Variants in SOX5 observed in about 807,000 individuals in gnomAD.
SOX5 encodes the protein SRY-box transcription factor 5.
Under a neutral mutation model 92.0 loss-of-function variants are expected in SOX5, and 9 were observed. The observed-to-expected ratio is 0.10, with a 90% CI of 0.06 to 0.17. SOX5 has a LOEUF of 0.17. Ranked by LOEUF, SOX5 falls within the 10% of genes least tolerant of loss-of-function variation. The pLI, the probability that SOX5 is intolerant of heterozygous loss-of-function variation, is 1.00. For synonymous variants in SOX5, 344 were observed against 336.3 expected (o/e 1.02, Z -0.25); for missense variants, 642 against 944.5 (o/e 0.68, Z 4.20).
intron 2 of SOX5, among the ~76,000 whole-genome samples, chr12:24,317,525 A>G (rs1949809527): frequency 6.6e-6 from 1 of 152,188 alleles, no homozygotes; most frequent in African/African-American, 2.4e-5. Flanking sequence ...CTGGCCCCTA[A>G]GTGTCTTCAC....
chr12:23,651,147 A>AT (rs2139035575), intron 7 of SOX5, among the ~76,000 whole-genome samples: 1 of 152,144 alleles, frequency 6.6e-6, no homozygotes, highest in East Asian at 1.9e-4. Context: ...TCTCCCACTG[A>AT]TTTGAAATGT....
rs567292661 is a variant in SOX5 at position 24,305,796 on chromosome 12, T to C, written c.-173-28484A>G. ...TATTTTAATAGAGATGGGGTTTTAC[T>C]TTGTTGCCCACGCTGGTCTTGAACT... On this transcript the variant is annotated intron_variant, in intron 2 of 4. Transcript: ENST00000446891. Among the ~76,000 whole-genome samples, 51 of 152,232 alleles carry C rather than the reference T, an allele frequency of 3.4e-4. 1 individual carries two copies. In the South Asian group the frequency reaches 6.0e-3, roughly 18 times the overall value.
intron 3 of SOX5, among the ~76,000 whole-genome samples, chr12:24,234,445 T>A (rs1229290755): frequency 6.6e-6 from 1 of 152,178 alleles, no homozygotes; most frequent in Non-Finnish European, 1.5e-5. Context: ...TGGCACAATC[T>A]CGGTTCACTG....
intron 13 of SOX5, among the ~76,000 whole-genome samples, chr12:23,541,820 A>G (rs1047803006): frequency 1.1e-4 from 16 of 152,178 alleles, no homozygotes; most frequent in African/African-American, 3.9e-4. Context: ...TGGGATCATA[A>G]AAACATACGG....
upstream of SOX5, among the ~76,000 whole-genome samples, chr12:23,951,948 T>G (rs532991612): frequency 8.5e-5 from 13 of 152,324 alleles, no homozygotes; most frequent in South Asian, 8.3e-4. Context: ...AAATCTCTAT[T>G]TTTTCAGCCC....
intron 2 of SOX5, among the ~76,000 whole-genome samples, chr12:24,282,082 A>T (rs1300422120): frequency 6.6e-6 from 1 of 152,222 alleles, no homozygotes; most frequent in African/African-American, 2.4e-5. Flanking sequence ...ACTCAACCAA[A>T]TCTCAATTCC....
intron 8 of SOX5, among the ~76,000 whole-genome samples, chr12:23,614,971 T>A (rs188309263): frequency 4.6e-5 from 7 of 151,702 alleles, no homozygotes; most frequent in Non-Finnish European, 8.8e-5. Context: ...CCAGCTAATT[T>A]TTTTGTATTT....
At chr12:23,601,690 G>A (rs74071306) in intron 9 of SOX5, among the ~76,000 whole-genome samples, 3,659 of 152,144 alleles carry the variant, frequency 0.024, 122 homozygotes, top group African/African-American at 0.083. Flanking sequence ...ATGTATAAAC[G>A]TCAATTCCAG....
At chr12:24,221,301 T>G (rs1211561394) in intron 3 of SOX5, among the ~76,000 whole-genome samples, 1 of 152,228 alleles carries the variant, frequency 6.6e-6, no homozygotes, top group African/African-American at 2.4e-5. Context: ...TTCCTTTCCT[T>G]TCTTTCCTAT....
intron 3 of SOX5, among the ~76,000 whole-genome samples, chr12:23,791,380 C>T (rs1348230104): frequency 2.0e-5 from 3 of 152,198 alleles, no homozygotes; most frequent in African/African-American, 7.2e-5. Flanking sequence ...TAGCATACTA[C>T]AGCCTCAAAT....
intron 2 of SOX5, among the ~76,000 whole-genome samples, chr12:23,856,087 C>G (rs1307680963): frequency 6.6e-6 from 1 of 152,078 alleles, no homozygotes; most frequent in Admixed American, 6.6e-5. Context: ...AGTCCACAGA[C>G]TCTTACAAAA....
At chr12:23,602,827 TA>T (rs2074684199) in intron 9 of SOX5, among the ~76,000 whole-genome samples, 1 of 152,114 alleles carries the variant, frequency 6.6e-6, no homozygotes, top group African/African-American at 2.4e-5. Context: ...ACTTTAAAAT[TA>T]AATGTATTTA....
At chr12:23,903,851 A>T (rs2097263231) in intron 1 of SOX5, among the ~76,000 whole-genome samples, 1 of 152,214 alleles carries the variant, frequency 6.6e-6, no homozygotes, top group Non-Finnish European at 1.5e-5. Flanking sequence ...AGATTGTTTC[A>T]CAATAGAATG....
At chr12:24,501,242 A>T (rs1221998767) in intron 1 of SOX5, among the ~76,000 whole-genome samples, 1 of 152,140 alleles carries the variant, frequency 6.6e-6, no homozygotes. Context: ...GAGCAGTTTT[A>T]GCACCAAGGT....
chr12:24,395,607 G>A (rs1480874508), intron 1 of SOX5, among the ~76,000 whole-genome samples: 1 of 152,148 alleles, frequency 6.6e-6, no homozygotes, highest in Non-Finnish European at 1.5e-5. Flanking sequence ...CCCAGTGGGT[G>A]TAAACAAAAT....
At chr12:23,780,350 T>C (rs1477268955) in intron 3 of SOX5, among the ~76,000 whole-genome samples, 1 of 151,968 alleles carries the variant, frequency 6.6e-6, no homozygotes, top group Non-Finnish European at 1.5e-5. Context: ...CTCAACACTT[T>C]GTTAGGTATT....
At chr12:24,536,797 G>C (rs769982036) in intron 1 of SOX5, among the ~76,000 whole-genome samples, 2 of 152,008 alleles carry the variant, frequency 1.3e-5, no homozygotes, top group African/African-American at 4.8e-5. Context: ...AGCAGCATTC[G>C]TAATGTTATT....
intron 2 of SOX5, among the ~76,000 whole-genome samples, chr12:24,340,991 G>T (rs1035968868): frequency 2.0e-5 from 3 of 152,130 alleles, no homozygotes; most frequent in African/African-American, 7.2e-5. Flanking sequence ...ACAGCCATCT[G>T]GGCAACCACA....
At chr12:23,722,970 G>A (rs1021593654) in intron 6 of SOX5, among the ~76,000 whole-genome samples, 5 of 152,076 alleles carry the variant, frequency 3.3e-5, no homozygotes, top group East Asian at 1.9e-4. Flanking sequence ...AATTAGGGGC[G>A]GATGAAGATA....
Sources: gnomAD v4.1 joint callset for allele counts (sites outside exome capture counted in the v4.1 genomes callset) on GRCh38, gnomAD v4.1.1 for gene constraint, MANE v1.5 for transcripts, NCBI Gene and HGNC (gene_info 2026-07-23, HGNC 2026-07-21) for gene names.